The following UNC13C variants were observed in gnomAD, a reference collection of about 807,000 sequenced individuals.
UNC13C encodes the protein protein unc-13 homolog C.
A neutral mutation model predicts 245.4 loss-of-function variants in UNC13C; 174 were observed. That is an observed-to-expected ratio of 0.71 (90% CI 0.63 to 0.80). UNC13C has a LOEUF of 0.80. UNC13C is among the 30% of genes least tolerant of loss of function. The pLI, the probability that UNC13C is intolerant of heterozygous loss-of-function variation, is 0.00. For synonymous variants in UNC13C, 992 were observed against 895.1 expected, an observed-to-expected ratio of 1.11 and a Z score of -1.93; for missense variants, 2,829 against 2,602.9, an observed-to-expected ratio of 1.09 and a Z score of -1.89.
At chr15:54,259,771 G>A (rs1234913239) in intron 8 of UNC13C, among the ~76,000 whole-genome samples, 11 of 152,162 alleles carry the variant, frequency 7.2e-5, no homozygotes, top group African/African-American at 2.4e-4. Flanking sequence ...GTAAGTGCAC[G>A]TGGCATGTAG....
chr15:54,422,337 T>C (rs142677601), intron 19 of UNC13C, among the ~76,000 whole-genome samples: 2 of 152,150 alleles, frequency 1.3e-5, no homozygotes, highest in East Asian at 1.9e-4. Flanking sequence ...GCCCTCTAAG[T>C]AGTTTGCACA....
rs139956568 is a variant in UNC13C, at chr15:54,627,707, A to AACTT, written c.*597_*600dup. On this transcript the variant is annotated 3_prime_UTR_variant, in exon 33 of 33. Transcript: ENST00000260323. ...ACTGTGAAGAAATGCTGTTAAAGCAAACTTACATAAAGCAATGCTAGAGTT... is the reference window on the plus strand; with the variant it reads ...ACTGTGAAGAAATGCTGTTAAAGCAAACTTACTTACATAAAGCAATGCTAGAGTT... 0.042 allele frequency: 6,339 copies of AACTT among 152,722 alleles called. 239 individuals carry two copies. The highest frequency in any genetic ancestry group is 0.12 in the Admixed American group (1,832 of 15,274). The allele number at this position is 152,722 out of a possible 1,614,324, so 9.5% of individuals were successfully genotyped here. A position where few individuals can be genotyped will look rare whatever the true frequency, so the allele number is the denominator to read the frequency against.
intron 4 of UNC13C, among the ~76,000 whole-genome samples, chr15:54,207,187 A>G (rs962098583): frequency 2.0e-5 from 3 of 152,004 alleles, no homozygotes; most frequent in Non-Finnish European, 2.9e-5. Context: ...TGTTCCGAAC[A>G]AAACTCATGT....
chr15:53,974,862 A>G (rs771664276), upstream of UNC13C: 1 of 152,052 alleles, frequency 6.6e-6, no homozygotes, highest in Non-Finnish European at 1.5e-5. Context: ...TGCATTTAGC[A>G]TGTCAGCAGT....
intron 2 of UNC13C, among the ~76,000 whole-genome samples, chr15:54,047,009 G>A (rs78024728): frequency 0.031 from 4,753 of 151,836 alleles, 106 homozygotes; most frequent in Middle Eastern, 0.092. Flanking sequence ...ACACATAAAC[G>A]CACTCTATAA....
At chr15:53,968,634 A>G in the UNC13C span, among the ~76,000 whole-genome samples, 2 of 152,272 alleles carry the variant, frequency 1.3e-5, no homozygotes, top group South Asian at 4.1e-4. Flanking sequence ...GGGTCTCACA[A>G]GGTCCTGCGT....
At chr15:54,488,718 T>G (rs1039100677) in intron 19 of UNC13C, among the ~76,000 whole-genome samples, 2 of 152,178 alleles carry the variant, frequency 1.3e-5, no homozygotes, top group Non-Finnish European at 2.9e-5. Flanking sequence ...GCCTTTTCCT[T>G]GTACAGTTTT....
At chr15:53,967,758 C>A in the UNC13C span, among the ~76,000 whole-genome samples, 1 of 152,102 alleles carries the variant, frequency 6.6e-6, no homozygotes, top group Admixed American at 6.5e-5. Flanking sequence ...GAAGTATTTG[C>A]CAAATGGAGA....
chr15:54,132,227 C>T (rs1490352038), intron 2 of UNC13C, among the ~76,000 whole-genome samples: 1 of 151,880 alleles, frequency 6.6e-6, no homozygotes, highest in Non-Finnish European at 1.5e-5. Flanking sequence ...GCTGCCACCA[C>T]ACCTGGCTAA....
intron 4 of UNC13C, among the ~76,000 whole-genome samples, chr15:54,224,472 A>G (rs1462633355): frequency 1.3e-5 from 2 of 152,102 alleles, no homozygotes; most frequent in Admixed American, 1.3e-4. Flanking sequence ...TGTGTTCCTG[A>G]GATAAATCAT....
At chr15:54,028,916 A>T (rs1375731929) in intron 2 of UNC13C, among the ~76,000 whole-genome samples, 1 of 152,130 alleles carries the variant, frequency 6.6e-6, no homozygotes, top group Non-Finnish European at 1.5e-5. Flanking sequence ...AAATGTGGTG[A>T]TAAAATAAAT....
At chr15:54,068,118 C>T (rs962378236) in intron 2 of UNC13C, among the ~76,000 whole-genome samples, 2 of 152,122 alleles carry the variant, frequency 1.3e-5, no homozygotes, top group South Asian at 2.1e-4. Context: ...TTTGGGAGCT[C>T]CTGTAGTCAG....
At chr15:54,094,230 G>A (rs866024584) in intron 2 of UNC13C, among the ~76,000 whole-genome samples, 21 of 152,168 alleles carry the variant, frequency 1.4e-4, no homozygotes, top group South Asian at 4.2e-4. Context: ...CTTTCCTTCC[G>A]TGTGTCCTTC....
chr15:54,572,372 T>C (rs1897793123), intron 30 of UNC13C, among the ~76,000 whole-genome samples: 1 of 152,022 alleles, frequency 6.6e-6, no homozygotes, highest in Admixed American at 6.6e-5. Flanking sequence ...ATAATAAGCA[T>C]AATCATTTAC....
the UNC13C span, among the ~76,000 whole-genome samples, chr15:53,868,706 G>A: frequency 1.5e-4 from 23 of 152,154 alleles, no homozygotes; most frequent in Non-Finnish European, 2.1e-4. Flanking sequence ...GCGGTCTGGA[G>A]GGAAAAAGTA....
chr15:54,527,656 C>T (rs1277451236), intron 25 of UNC13C, among the ~76,000 whole-genome samples: 2 of 152,070 alleles, frequency 1.3e-5, no homozygotes, highest in Non-Finnish European at 2.9e-5. Context: ...TAGGAGGACA[C>T]TTGAAGAGCT....
At chr15:54,235,188 C>A in intron 5 of UNC13C, 80 bp downstream of exon 5, 1 of 1,159,036 alleles carries the variant, frequency 8.6e-7, no homozygotes, top group Non-Finnish European at 1.3e-6. Context: ...TTCTCATTCA[C>A]TGTCTAGCCT....
At chr15:54,275,479 A>C (rs181321957) in intron 10 of UNC13C, among the ~76,000 whole-genome samples, 1 of 152,242 alleles carries the variant, frequency 6.6e-6, no homozygotes, top group East Asian at 1.9e-4. Flanking sequence ...ATAATTGTAT[A>C]TGATATAGTT....
chr15:54,109,329 C>A (rs1320241093), intron 2 of UNC13C, among the ~76,000 whole-genome samples: 6 of 48,208 alleles, frequency 1.2e-4, no homozygotes, highest in African/African-American at 3.9e-4. Flanking sequence ...CCTTTCCTTT[C>A]CTTTTTTTCT....
Sources: gnomAD v4.1 joint callset for allele counts (sites outside exome capture counted in the v4.1 genomes callset) on GRCh38, gnomAD v4.1.1 for gene constraint, MANE v1.5 for transcripts, NCBI Gene and HGNC (gene_info 2026-07-23, HGNC 2026-07-21) for gene names.